The following FOCAD variants were observed in gnomAD, a reference collection of about 807,000 sequenced individuals.
The protein encoded by FOCAD is KIAA1797.
FOCAD carries 198 observed loss-of-function variants against 225.6 expected under a neutral mutation model. The observed-to-expected ratio is 0.88, with a 90% CI of 0.78 to 0.99. FOCAD has a LOEUF of 0.99. Ranked by LOEUF, FOCAD falls within the 50% of genes least tolerant of loss-of-function variation. The pLI is 0.00. For missense variants in FOCAD, 2,713 were observed against 2,123.6 expected, an observed-to-expected ratio of 1.28 and a Z score of -5.46; for synonymous variants, 897 against 755.0, an observed-to-expected ratio of 1.19 and a Z score of -3.08.
chr9:20,874,673 C>A lies in FOCAD; in HGVS notation c.2191-8C>A, dbSNP rs540679528. ...TCCTCTCTATGATCTTTTCGCTTAT[C>A]ATTTCAGATAAGACCAGAAATTCCC... On this transcript the variant is annotated splice_region_variant and splice_polypyrimidine_tract_variant and intron_variant, in intron 18 of 43. Coordinates refer to ENST00000338382, the MANE Select transcript of FOCAD (RefSeq NM_001375567.1). 6.2e-7 allele frequency: 1 copy of A among 1,611,502 alleles called. No individual in the cohort carries two copies. Among genetic ancestry groups the A allele is most frequent in the African/African-American group, 1.3e-5 (1 of 74,868 alleles).
intron 11 of FOCAD, among the ~76,000 whole-genome samples, chr9:20,814,110 A>G (rs1394378193): frequency 6.6e-6 from 1 of 152,106 alleles, no homozygotes; most frequent in Non-Finnish European, 1.5e-5. Context: ...TGTAGACGTT[A>G]TTATAGTGGG....
intron 15 of FOCAD, among the ~76,000 whole-genome samples, chr9:20,853,863 T>G (rs1827910071): frequency 6.6e-6 from 1 of 151,750 alleles, no homozygotes; most frequent in African/African-American, 2.4e-5. Flanking sequence ...CCCTATATTA[T>G]TAGGATAAGA....
rs142063106 is a variant in FOCAD at position 20,793,555 on chromosome 9, C to A, written c.1455+3947C>A. Among the ~76,000 whole-genome samples the A allele has an allele frequency of 3.4e-3, 517 of 152,272 alleles. 3 individuals carry two copies. The highest frequency in any genetic ancestry group is 9.6e-3 in the African/African-American group (397 of 41,552). On this transcript the variant is annotated intron_variant, in intron 11 of 43. Coordinates refer to ENST00000338382, the MANE Select transcript of FOCAD (RefSeq NM_001375567.1). ...TTGTAACTTTTCAGTTCAACCCCTA[C>A]CACTGTGATGCTTACTAATGTACTG...
chr9:20,976,629 T>A (rs1212117878), intron 36 of FOCAD, 81 bp downstream of exon 36: 3 of 1,421,664 alleles, frequency 2.1e-6, no homozygotes, highest in Non-Finnish European at 3.0e-6. Context: ...TGTGTCACAA[T>A]GTGTAGTGAC....
In FOCAD at chr9:20,990,173, T is replaced by G. The variant is rs780506193; in HGVS notation, c.5055T>G (p.Ala1685=). 1.9e-6 allele frequency: 3 copies of G among 1,614,196 alleles called. No homozygotes were observed. Among genetic ancestry groups the G allele is most frequent in the South Asian group, 2.2e-5 (2 of 91,090 alleles). ...TTGCAACCGCAGTGGTTGCATGGGC[T>G]GACCACACTGCCCCTCTCCTCCTCG... The part of the protein sequence containing the change: ...LIFATAVVAW[A]DHTAPLLLGL... Residue 1685 remains alanine (A), a synonymous_variant, in exon 42 of 44, where the codon GCT becomes GCG. Transcript: ENST00000338382.
chr9:20,971,118 G>A (rs1839721600), intron 35 of FOCAD, among the ~76,000 whole-genome samples: 1 of 152,074 alleles, frequency 6.6e-6, no homozygotes. Flanking sequence ...CCAGTGATTA[G>A]CTAGTGCTGA....
intron 15 of FOCAD, among the ~76,000 whole-genome samples, chr9:20,824,261 A>G (rs922582171): frequency 1.3e-5 from 2 of 152,092 alleles, no homozygotes; most frequent in Non-Finnish European, 2.9e-5. Flanking sequence ...TTTCATAATA[A>G]GTAATCCTGA....
chr9:20,981,275 C>T (rs1334785438), intron 37 of FOCAD, 151 bp from the exon 38 acceptor site: 10 of 883,876 alleles, frequency 1.1e-5, no homozygotes, highest in South Asian at 3.3e-5. Context: ...CCCATTGGAC[C>T]GTGAAGCTGT....
intron 2 of FOCAD, among the ~76,000 whole-genome samples, chr9:20,674,219 T>C (rs1158585792): frequency 6.6e-6 from 1 of 152,160 alleles, no homozygotes; most frequent in Non-Finnish European, 1.5e-5. Flanking sequence ...TCTAAGCTTA[T>C]TACTTCTGAA....
At chr9:20,757,120 G>A (rs1479711643) in intron 5 of FOCAD, among the ~76,000 whole-genome samples, 1 of 152,066 alleles carries the variant, frequency 6.6e-6, no homozygotes, top group African/African-American at 2.4e-5. Context: ...GTAGAGACAG[G>A]GTTTCTCCAT....
At chr9:20,820,479 G>T in intron 13 of FOCAD, 54 bp downstream of exon 13, 1 of 1,449,182 alleles carries the variant, frequency 6.9e-7, no homozygotes. Context: ...TTCACTGAAG[G>T]AAAATAATTA....
intron 2 of FOCAD, among the ~76,000 whole-genome samples, chr9:20,715,826 A>G (rs1563907430): frequency 6.6e-6 from 1 of 152,190 alleles, no homozygotes; most frequent in African/African-American, 2.4e-5. Flanking sequence ...TAATAAGTAA[A>G]ATATCCTGGA....
At chr9:20,688,487 G>T (rs1447728510) in intron 1 of FOCAD, among the ~76,000 whole-genome samples, 1 of 152,136 alleles carries the variant, frequency 6.6e-6, no homozygotes, top group African/African-American at 2.4e-5. Context: ...TCACACAATT[G>T]GTGCTGTTCA....
chr9:20,691,737 C>T (rs914441639), intron 1 of FOCAD, among the ~76,000 whole-genome samples: 68 of 150,650 alleles, frequency 4.5e-4, no homozygotes, highest in African/African-American at 1.6e-3. Flanking sequence ...ACTTCGGCCT[C>T]CCAAAGTGCT....
intron 2 of FOCAD, among the ~76,000 whole-genome samples, chr9:20,672,874 A>G (rs1347253719): frequency 1.3e-5 from 2 of 152,268 alleles, no homozygotes; most frequent in Admixed American, 6.5e-5. Context: ...CTTCAGTTCC[A>G]TGGATTTAAA....
intron 11 of FOCAD, among the ~76,000 whole-genome samples, chr9:20,815,137 GTTTT>G (rs71334555): frequency 4.3e-5 from 3 of 69,114 alleles, no homozygotes; most frequent in Non-Finnish European, 7.7e-5. Context: ...TTTTTTTTTT[GTTTT>G]TTTTTTTTTT....
chr9:20,752,220 T>G (rs1382034154), intron 5 of FOCAD, among the ~76,000 whole-genome samples: 1 of 151,890 alleles, frequency 6.6e-6, no homozygotes, highest in South Asian at 2.1e-4. Context: ...GTTTTAGACA[T>G]GAAGTCCTTG....
chr9:20,731,840 C>T (rs1423395956), intron 4 of FOCAD, among the ~76,000 whole-genome samples: 2 of 152,192 alleles, frequency 1.3e-5, no homozygotes, highest in African/African-American at 2.4e-5. Flanking sequence ...TGGTCTCGAA[C>T]TCCCAACCTC....
chr9:20,905,079 A>G (rs1311796918), intron 21 of FOCAD, among the ~76,000 whole-genome samples: 1 of 151,954 alleles, frequency 6.6e-6, no homozygotes, highest in Non-Finnish European at 1.5e-5. Context: ...TCATTAAGAG[A>G]AAAAGCAAGA....
Sources: gnomAD v4.1 joint callset for allele counts (sites outside exome capture counted in the v4.1 genomes callset) on GRCh38, gnomAD v4.1.1 for gene constraint, MANE v1.5 for transcripts, NCBI Gene and HGNC (gene_info 2026-07-23, HGNC 2026-07-21) for gene names.